Variants in SH2B1 observed in about 807,000 individuals in gnomAD.
The protein encoded by SH2B1 is SH2B adapter protein 1.
Under a neutral mutation model 62.6 loss-of-function variants are expected in SH2B1, and 15 were observed. The ratio of observed to expected loss-of-function variants is 0.24; its 90% CI spans 0.16 to 0.37. The LOEUF (loss-of-function observed/expected upper bound fraction) is 0.37. SH2B1 is among the 10% of genes least tolerant of loss of function. The probability of loss-of-function intolerance (pLI) is 1.00; values close to 1 mark genes in which losing one functional copy is unlikely to be tolerated. For missense variants in SH2B1, 925 were observed against 1,015.6 expected (o/e 0.91, Z 1.21); for synonymous variants, 443 against 438.0 (o/e 1.01, Z -0.14).
At chr16:28,847,738 G>C (rs1435489337) in intron 1 of SH2B1, among the ~76,000 whole-genome samples, 2 of 151,608 alleles carry the variant, frequency 1.3e-5, no homozygotes, top group Non-Finnish European at 2.9e-5. Context: ...AGGATCGCCT[G>C]AGCTCAGGAG....
exon 1 of SH2B1, chr16:28,846,762 T>TC: frequency 6.4e-6 from 1 of 157,120 alleles, no homozygotes; most frequent in Non-Finnish European, 1.4e-5. Context: ...AGACCCCGAG[T>TC]CCCCCGGAGT....
intron 1 of SH2B1, among the ~76,000 whole-genome samples, chr16:28,852,839 T>C (rs1272720794): frequency 4.2e-5 from 3 of 71,244 alleles, no homozygotes; most frequent in Non-Finnish European, 7.2e-5. Flanking sequence ...TATATATATA[T>C]ACATATATAT....
chr16:28,859,710 G>GAA (rs1044650977), upstream of SH2B1, among the ~76,000 whole-genome samples: 2 of 141,256 alleles, frequency 1.4e-5, no homozygotes. Context: ...CCTGTATCAG[G>GAA]AAAAAAAAAA....
Position 28,866,412 on chromosome 16 carries a change from G to A in SH2B1, c.318G>A (p.Leu106=), listed in dbSNP as rs1242910664. The A allele has an allele frequency of 6.2e-7, 1 of 1,613,898 alleles. No homozygotes were observed. The highest frequency in any genetic ancestry group is 1.1e-5 in the South Asian group (1 of 91,078). The change falls in exon 1 of 8, where the codon CTG becomes CTA. Residue 106 remains leucine, a synonymous_variant. Coordinates refer to ENST00000684370, the MANE Select transcript of SH2B1 (RefSeq NM_001387430.1). This position sits in a 1 kb window ranked among gnomAD's most constrained non-coding sequence, Gnocchi z 6.3. The part of the protein sequence containing the change: ...SPGAEISPHD[L]SLESCRVGGP... ...GTGCGGAGATTTCGCCACATGACCT[G>A]TCCCTTGAGAGCTGCAGGGTGGGTG...
Position 28,865,847 on chromosome 16 carries a change from A to AGGGT in SH2B1, c.-246_-243dup, listed in dbSNP as rs1184982687. 3.2e-5 allele frequency: 41 copies of AGGGT among 1,285,016 alleles called. No individual in the cohort carries two copies. The highest frequency in any genetic ancestry group is 3.8e-5 in the Non-Finnish European group (39 of 1,017,566). The allele number at this position is 1,285,016 out of a possible 1,614,324, so 79.6% of individuals were successfully genotyped here. On this transcript the variant is annotated 5_prime_UTR_variant, in exon 1 of 8. An upstream open reading frame in the 5' UTR loses its in-frame stop. Transcript: ENST00000684370. Reference sequence around the variant, plus strand: ...GGGGAGCCAGTTGGCTGGGGCCTGCAGGGTGCCAGGATCTGGGAGAGGGAA... The same window carrying AGGGT: ...GGGGAGCCAGTTGGCTGGGGCCTGCAGGGTGGGTGCCAGGATCTGGGAGAGGGAA...
At position 28,872,646 on chromosome 16, in the gene SH2B1, C is replaced by T. The variant is rs773558526; in HGVS notation, c.1838C>T (p.Ser613Leu). 1 of 1,614,128 alleles carries T rather than the reference C, an allele frequency of 6.2e-7. No homozygotes were observed. Among genetic ancestry groups the T allele is most frequent in the Non-Finnish European group, 8.5e-7 (1 of 1,180,002 alleles). Residue 613 changes from serine to leucine, a missense_variant, in exon 7 of 8, where the codon TCG becomes TTG. Ser to Leu is a moderately radical substitution (Grantham distance 145). Around this residue, in one of 3 missense-constraint regions of SH2B1, gnomAD observed 57 missense variants for 122.1 expected, o/e 0.47. Coordinates refer to ENST00000684370, the MANE Select transcript of SH2B1 (RefSeq NM_001387430.1). The surrounding 1 kb of genome is among the most constrained non-coding windows in gnomAD (Gnocchi z 5.3). ...HFRVHPIPLE[S>L]GGSSDVVLVS... is the part of the protein sequence containing the mutation. ...CGGGTGCACCCCATCCCTTTGGAGT[C>T]GGGAGGCTCCAGTGATGTTGTCCTT...
At chr16:28,851,292 C>T (rs919105954) in intron 1 of SH2B1, among the ~76,000 whole-genome samples, 1 of 151,892 alleles carries the variant, frequency 6.6e-6, no homozygotes, top group African/African-American at 2.4e-5. Flanking sequence ...CACACCTACG[C>T]TCCTCCCCAG....
chr16:28,854,722 C>G (rs1156718271), intron 1 of SH2B1, among the ~76,000 whole-genome samples: 2 of 152,088 alleles, frequency 1.3e-5, no homozygotes, highest in Non-Finnish European at 2.9e-5. Context: ...AGCCACTGCA[C>G]TTTTGCCTGG....
In SH2B1 at chr16:28,866,123, G is replaced by A; in HGVS notation, c.29G>A (p.Gly10Glu). MNGAPSPED[G>E]ASPSSPPLPP... ...AATGGTGCCCCTTCCCCAGAGGACGGGGCCTCCCCCTCGTCTCCCCCGCTG... is the reference window on the plus strand; with the variant it reads ...AATGGTGCCCCTTCCCCAGAGGACGAGGCCTCCCCCTCGTCTCCCCCGCTG... Residue 10 changes from glycine to glutamate, a missense_variant, in exon 1 of 8, where the codon GGG (glycine) becomes GAG (glutamate). Gly to Glu is a moderately conservative substitution (Grantham distance 98, BLOSUM62 -2). This residue lies in a region of SH2B1 where 683 missense variants were observed against 704.0 expected (regional missense o/e 0.97). Transcript: ENST00000684370. This position sits in a 1 kb window ranked among gnomAD's most constrained non-coding sequence, Gnocchi z 6.3. 1 of 1,588,266 alleles carries A rather than the reference G, an allele frequency of 6.3e-7. No homozygotes were observed.
At chr16:28,852,261 CATATATATATTTACAT>C (rs1567458112) in intron 1 of SH2B1, among the ~76,000 whole-genome samples, 6 of 71,742 alleles carry the variant, frequency 8.4e-5, no homozygotes, top group South Asian at 4.2e-4. Flanking sequence ...TATATATTTA[CATATATATATTTACAT>C]ATATATATTT....
rs929195600 is a variant in SH2B1 at position 28,864,821 on chromosome 16, C to T, written c.-1274C>T. The T allele has an allele frequency of 1.6e-5, 5 of 305,710 alleles. No homozygotes were observed. Among genetic ancestry groups the T allele is most frequent in the Admixed American group, 6.5e-5 (1 of 15,458 alleles). The allele number at this position is 305,710 out of a possible 1,614,324, so 18.9% of individuals were successfully genotyped here. On this transcript the variant is annotated 5_prime_UTR_variant, in exon 1 of 8. Transcript: ENST00000684370. ...AGAAAATTGGAACAATAATATTCTTCTCCCACATGAAGATAGTAACAATGG... is the reference window on the plus strand; with the variant it reads ...AGAAAATTGGAACAATAATATTCTTTTCCCACATGAAGATAGTAACAATGG...
At chr16:28,858,598 C>T (rs1437568731) in intron 1 of SH2B1, among the ~76,000 whole-genome samples, 1 of 152,088 alleles carries the variant, frequency 6.6e-6, no homozygotes, top group Non-Finnish European at 1.5e-5. Flanking sequence ...GTTTTGGAAG[C>T]TCTATGCCAG....
In SH2B1 at chr16:28,872,222, G is replaced by A. The variant is rs756892017; in HGVS notation, c.1546G>A (p.Gly516Ser). The change falls in exon 6 of 8, where the codon GGT (glycine) becomes AGT (serine). Residue 516 changes from glycine (G) to serine (S), a missense_variant. This residue lies in a region of SH2B1 where 683 missense variants were observed against 704.0 expected (regional missense o/e 0.97). Coordinates refer to ENST00000684370, the MANE Select transcript of SH2B1 (RefSeq NM_001387430.1). This position sits in a 1 kb window ranked among gnomAD's most constrained non-coding sequence, Gnocchi z 5.3. ...SFLFQGEPEG[G>S]EGDQPLSGYP... Reference sequence around the variant, plus strand: ...CCTGTTCCAGGGGGAGCCAGAGGGCGGTGAGGGGGACCAGCCCCTCTCAGG... The same window carrying A: ...CCTGTTCCAGGGGGAGCCAGAGGGCAGTGAGGGGGACCAGCCCCTCTCAGG... 2.7e-5 allele frequency: 43 copies of A among 1,613,686 alleles called. 1 individual carries two copies. The highest frequency in any genetic ancestry group is 1.3e-4 in the South Asian group (12 of 91,084).
chr16:28,865,177 G>C lies in SH2B1; in HGVS notation c.-918G>C. 1.0e-6 allele frequency: 1 copy of C among 985,632 alleles called. No homozygotes were observed. Among genetic ancestry groups the C allele is most frequent in the Non-Finnish European group, 1.2e-6 (1 of 829,970 alleles). The allele number at this position is 985,632 out of a possible 1,614,324, so 61.1% of individuals were successfully genotyped here. On this transcript the variant is annotated 5_prime_UTR_variant, in exon 1 of 8. Transcript: ENST00000684370. ...TCCCTGTGATGTTTTGTTTACGTGA[G>C]GCCAGCAAAGACTTGACCTGAGCCA...
intron 1 of SH2B1, among the ~76,000 whole-genome samples, chr16:28,851,473 T>C (rs1962097763): frequency 6.6e-6 from 1 of 151,100 alleles, no homozygotes; most frequent in Non-Finnish European, 1.5e-5. Flanking sequence ...TTTTTTTTTT[T>C]TTCCAAGATG....
chr16:28,849,430 G>A (rs895106718), intron 1 of SH2B1, among the ~76,000 whole-genome samples: 1 of 152,118 alleles, frequency 6.6e-6, no homozygotes, highest in African/African-American at 2.4e-5. Flanking sequence ...CTGTACCTAA[G>A]TCACTGTACT....
intron 1 of SH2B1, among the ~76,000 whole-genome samples, chr16:28,852,558 TTATATATATACACATATA>T (rs1962163266): frequency 5.8e-5 from 1 of 17,262 alleles, no homozygotes; most frequent in Non-Finnish European, 7.7e-5. Context: ...ATACACATAT[TTATATATATACACATATA>T]TATTTATATA....
In SH2B1 at chr16:28,873,106, G is replaced by C; in HGVS notation, c.1898-341G>C. ...TCCTCCCTCAATGTCTCATGTCCCT[G>C]TCTGATCTCTCCCTTTCCCCTGCCC... On this transcript the variant is annotated intron_variant, in intron 7 of 7. Coordinates refer to ENST00000684370, the MANE Select transcript of SH2B1 (RefSeq NM_001387430.1). The surrounding 1 kb of genome is among the most constrained non-coding windows in gnomAD (Gnocchi z 4.2). 1 of 1,067,968 alleles carries C rather than the reference G, an allele frequency of 9.4e-7. No individual in the cohort carries two copies. The highest frequency in any genetic ancestry group is 2.7e-5 in the Admixed American group (1 of 37,538). 66.2% of individuals were successfully genotyped at this position (1,067,968 alleles called of 1,614,324 possible).
At chr16:28,849,308 C>G (rs1962048799) in intron 1 of SH2B1, among the ~76,000 whole-genome samples, 1 of 152,058 alleles carries the variant, frequency 6.6e-6, no homozygotes, top group Admixed American at 6.6e-5. Context: ...GTTGGCCAGG[C>G]TGGTCTCCCA....
Sources: gnomAD v4.1 joint callset for allele counts (sites outside exome capture counted in the v4.1 genomes callset) on GRCh38, gnomAD v4.1.1 for gene constraint, gnomAD v4.1.1 regional missense constraint, Gnocchi (gnomAD v3.1) non-coding constraint, MANE v1.5 for transcripts, NCBI Gene and HGNC (gene_info 2026-07-23, HGNC 2026-07-21) for gene names.